Variants in TH observed in about 807,000 individuals in gnomAD.
The protein encoded by TH is tyrosine hydroxylase, also known as tyrosine 3-monooxygenase.
TH carries 49 observed loss-of-function variants against 57.4 expected under a neutral mutation model. The observed-to-expected ratio is 0.85, with a 90% CI of 0.68 to 1.08. The LOEUF (loss-of-function observed/expected upper bound fraction) is 1.08, where lower values mean the gene tolerates loss of function less well. Among genes scored for constraint, TH ranks in the 50% least tolerant of loss-of-function variants. The pLI is 0.00. For missense variants in TH, 720 were observed against 696.7 expected, an observed-to-expected ratio of 1.03 and a Z score of -0.38; for synonymous variants, 330 against 304.5, an observed-to-expected ratio of 1.08 and a Z score of -0.87.
Position 2,165,384 on chromosome 11 carries a change from C to T in TH, c.1201-19G>A. 6.2e-7 allele frequency: 1 copy of T among 1,606,958 alleles called. No individual in the cohort carries two copies. The highest frequency in any genetic ancestry group is 8.5e-7 in the Non-Finnish European group (1 of 1,179,934). ...GGCAGTGCTGGCAGGAGGCCAATGG[C>T]ATCACTGACTCCACTGCACCCAGGT... On this transcript the variant is annotated intron_variant, in intron 11 of 12. Transcript: ENST00000352909.
Position 2,166,682 on chromosome 11 carries a change from A to C in TH, c.928T>G (p.Cys310Gly), listed in dbSNP as rs1846100739. ...LASLAFRVFQ[C>G]TQYIRHASSP... ...GACGCGTGGCGGATATACTGGGTGC[A>C]CTGGAACACGCGGAAGGCCAGGCTG... The change falls in exon 8 of 13, where the codon TGC becomes GGC. Residue 310 changes from cysteine (C) to glycine (G), a missense_variant. By Grantham distance (159) the Cys-to-Gly change is radical. Transcript: ENST00000352909. 1.9e-6 allele frequency: 3 copies of C among 1,564,184 alleles called. No homozygotes were observed. Among genetic ancestry groups the C allele is most frequent in the Non-Finnish European group, 1.7e-6 (2 of 1,154,866 alleles).
Position 2,166,742 on chromosome 11 carries a change from C to T in TH, c.868G>A (p.Val290Met), listed in dbSNP as rs1408060028. Reference protein sequence around the residue: ...KERTGFQLRPVAGLLSARDFL... With the variant: ...KERTGFQLRPMAGLLSARDFL... ...TCCCGGGCGGACAGCAGGCCGGCCA[C>T]AGGCCGCAGCTGGAAGCCCGTGCGC... The change falls in exon 8 of 13, where the codon GTG (valine) becomes ATG (methionine). Residue 290 changes from valine to methionine, a missense_variant. Val to Met is a conservative substitution (Grantham distance 21). Coordinates refer to ENST00000352909, the MANE Select transcript of TH (RefSeq NM_000360.4). The T allele has an allele frequency of 1.9e-6, 3 of 1,549,760 alleles. No homozygotes were observed. The highest frequency in any genetic ancestry group is 2.0e-5 in the Admixed American group (1 of 50,994).
rs768037080 is a variant in TH, at chr11:2,167,485, G to A, written c.645C>T (p.His215=). The stretch of plus-strand genomic sequence containing the variant: ...ACTCCACACGGGGAATCGGGTCGCC[G>A]CTGGGGAGGGGGCCAGTGGTCAGCA... ...LIAEIAFQYR[H]GDPIPRVEYT... Residue 215 remains histidine (H), a splice_region_variant and synonymous_variant, in exon 6 of 13, where the codon CAC becomes CAT. Coordinates refer to ENST00000352909, the MANE Select transcript of TH (RefSeq NM_000360.4). The A allele has an allele frequency of 4.4e-5, 69 of 1,558,432 alleles. 2 individuals are homozygous for A. The Middle Eastern group carries it at 4.2e-3, about 94-fold the overall frequency.
Position 2,168,651 on chromosome 11 carries a change from T to G in TH, c.327A>C (p.Lys109Asn). 1 of 1,610,268 alleles carries G rather than the reference T, an allele frequency of 6.2e-7. No homozygotes were observed. The highest frequency in any genetic ancestry group is 8.5e-7 in the Non-Finnish European group (1 of 1,179,198). The stretch of plus-strand genomic sequence containing the variant: ...CGGGCCGGGTCTCTAGATGGTGGAT[T>G]TTGGCTTCAAACGTCTTAGGGAGCA... ...AVKVFETFEA[K>N]IHHLETRPAQ... The change falls in exon 3 of 13, where the codon AAA becomes AAC. Residue 109 changes from lysine (K) to asparagine (N), a missense_variant. Transcript: ENST00000352909.
At chr11:2,168,687 G>T (rs770215183) in intron 2 of TH, 22 bp from the exon 3 acceptor site, 4 of 1,353,080 alleles carry the variant, frequency 3.0e-6, no homozygotes, top group Non-Finnish European at 9.8e-7. Context: ...AAAGCAGGAA[G>T]AGAGAGAGAA....
At position 2,171,085 on chromosome 11, in the gene TH, G is replaced by GTGAATGAATGAATGAA. The variant is rs59181491; in HGVS notation, c.90+596_90+611dup. Among the ~76,000 whole-genome samples the GTGAATGAATGAATGAA allele has an allele frequency of 1.7e-4, 24 of 140,890 alleles. No individual in the cohort carries two copies. The highest frequency in any genetic ancestry group is 1.2e-3 in the East Asian group (6 of 4,864). 92.4% of individuals were successfully genotyped at this position (140,890 alleles called of 152,430 possible). A position where few individuals can be genotyped will look rare whatever the true frequency, so the allele number is the denominator to read the frequency against. ...GGTCACAGGGAACACAGACTCCATG[G>GTGAATGAATGAATGAA]TGAATGAATGAATGAATGAATGAAT... On this transcript the variant is annotated intron_variant, in intron 1 of 12. Transcript: ENST00000352909. The surrounding 1 kb of genome is among the most constrained non-coding windows in gnomAD (Gnocchi z 8.6).
chr11:2,165,833 G>A (rs924109443), intron 10 of TH, 70 bp from the exon 11 acceptor site: 15 of 1,558,726 alleles, frequency 9.6e-6, no homozygotes, highest in African/African-American at 2.7e-5. Context: ...GGTCACCCGT[G>A]ACCAGGATAC....
chr11:2,168,657 T>C lies in TH; in HGVS notation c.321A>G (p.Glu107=). 6.6e-7 allele frequency: 1 copy of C among 1,524,450 alleles called. No individual in the cohort carries two copies. The allele number at this position is 1,524,450 out of a possible 1,614,324, so 94.4% of individuals were successfully genotyped here. A position where few individuals can be genotyped will look rare whatever the true frequency, so the allele number is the denominator to read the frequency against. Residue 107 remains glutamate (E), a synonymous_variant, in exon 3 of 13, where the codon GAA becomes GAG. Coordinates refer to ENST00000352909, the MANE Select transcript of TH (RefSeq NM_000360.4). ...SRAVKVFETF[E]AKIHHLETRP... ...GGGTCTCTAGATGGTGGATTTTGGC[T>C]TCAAACGTCTTAGGGAGCAAAAGCA... is the stretch of plus-strand genomic sequence containing the variant.
In TH at chr11:2,166,934, C is replaced by T. The variant is rs199961079; in HGVS notation, c.794G>A (p.Arg265Gln). ...CTCCAGCTGGGGGATATTGTCTTCC[C>T]GGTAGCCGCTGAAGCGCTCCAGCAA... ...FALLERFSGYREDNIPQLEDV... is the reference protein window; with the variant it reads ...FALLERFSGYQEDNIPQLEDV... Residue 265 changes from arginine to glutamine, a missense_variant, in exon 7 of 13, where the codon CGG becomes CAG. By Grantham distance (43) the Arg-to-Gln change is conservative. Transcript: ENST00000352909. 28 of 1,601,094 alleles carry T rather than the reference C, an allele frequency of 1.7e-5. No individual in the cohort carries two copies. The highest frequency in any genetic ancestry group is 6.8e-5 in the East Asian group (3 of 44,382).
At position 2,170,910 on chromosome 11, in the gene TH, T is replaced by C. The variant is rs1389877090; in HGVS notation, c.90+787A>G. The C allele has an allele frequency of 1.2e-5, 7 of 607,044 alleles. No individual in the cohort carries two copies. Among genetic ancestry groups the C allele is most frequent in the Non-Finnish European group, 2.0e-5 (7 of 342,964 alleles). 37.6% of individuals were successfully genotyped at this position (607,044 alleles called of 1,614,324 possible). Reference sequence around the variant, plus strand: ...AACTCACACCACATTTCAATCAAGGTCCATAAATAAAAACCCATTTTAAAT... The same window carrying C: ...AACTCACACCACATTTCAATCAAGGCCCATAAATAAAAACCCATTTTAAAT... On this transcript the variant is annotated intron_variant, in intron 1 of 12. Transcript: ENST00000352909. The surrounding 1 kb of genome is among the most constrained non-coding windows in gnomAD (Gnocchi z 6.0).
rs1387781463 is a variant in TH, at chr11:2,169,637, G to T, written c.312+13C>A. 6.2e-7 allele frequency: 1 copy of T among 1,613,164 alleles called. No individual in the cohort carries two copies. Among genetic ancestry groups the T allele is most frequent in the Admixed American group, 1.7e-5 (1 of 60,002 alleles). ...GTGAACTTGCCCCAGGGACACGAAG[G>T]CCACCAGCTCACCTCAAACACCTTC... On this transcript the variant is annotated intron_variant, in intron 2 of 12. Coordinates refer to ENST00000352909, the MANE Select transcript of TH (RefSeq NM_000360.4).
intron 5 of TH, 132 bp from the exon 6 acceptor site, chr11:2,167,617 G>C (rs1423258386): frequency 3.3e-6 from 4 of 1,213,810 alleles, no homozygotes; most frequent in East Asian, 2.5e-5. Context: ...GGATGGACAG[G>C]AGGGTGCACC....
At chr11:2,167,516 C>G in intron 5 of TH, 31 bp from the exon 6 acceptor site, 1 of 1,551,646 alleles carries the variant, frequency 6.4e-7, no homozygotes, top group Non-Finnish European at 8.7e-7. Flanking sequence ...CAGCAGGTCC[C>G]CTCGGGGAGT....
chr11:2,166,898 C>T lies in TH; in HGVS notation c.830G>A (p.Arg277His), dbSNP rs1421058667. The T allele has an allele frequency of 6.2e-7, 1 of 1,605,054 alleles. No individual in the cohort carries two copies. Among genetic ancestry groups the T allele is most frequent in the Non-Finnish European group, 8.5e-7 (1 of 1,176,840 alleles). The change falls in exon 7 of 13, where the codon CGC becomes CAC. Residue 277 changes from arginine (R) to histidine (H), a missense_variant. Arg to His is a conservative substitution (Grantham distance 29). Coordinates refer to ENST00000352909, the MANE Select transcript of TH (RefSeq NM_000360.4). Reference sequence around the variant, plus strand: ...CCGTCTGGGCACACCCTTCAGGAAGCGGGAGACGTCCTCCAGCTGGGGGAT... The same window carrying T: ...CCGTCTGGGCACACCCTTCAGGAAGTGGGAGACGTCCTCCAGCTGGGGGAT... Reference protein sequence around the residue: ...DNIPQLEDVSRFLKERTGFQL... With the variant: ...DNIPQLEDVSHFLKERTGFQL...
intron 7 of TH, 38 bp from the exon 8 acceptor site, chr11:2,166,806 G>A (rs776510373): frequency 3.9e-6 from 6 of 1,549,816 alleles, no homozygotes; most frequent in Non-Finnish European, 4.4e-6. Context: ...GAGCCGGGAC[G>A]GGCTGGAGCC....
rs1409288419 is a variant in TH, at chr11:2,171,719, G to A, written c.68C>T (p.Ala23Val). Residue 23 changes from alanine to valine, a missense_variant, in exon 1 of 13, where the codon GCC (alanine) becomes GTC (valine). By Grantham distance (64) the Ala-to-Val change is moderately conservative. Coordinates refer to ENST00000352909, the MANE Select transcript of TH (RefSeq NM_000360.4). The surrounding 1 kb of genome is among the most constrained non-coding windows in gnomAD (Gnocchi z 8.6). ...GFRRAVSELD[A>V]KQAEAIMSPR... ...TACCATGATGGCCTCTGCCTGCTTGGCGTCCAGCTCAGACACGGCCCTGCG... is the reference window on the plus strand; with the variant it reads ...TACCATGATGGCCTCTGCCTGCTTGACGTCCAGCTCAGACACGGCCCTGCG... 2 of 1,612,594 alleles carry A rather than the reference G, an allele frequency of 1.2e-6. No individual in the cohort carries two copies. Among genetic ancestry groups the A allele is most frequent in the South Asian group, 1.1e-5 (1 of 91,070 alleles).
intron 9 of TH, 53 bp from the exon 10 acceptor site, chr11:2,166,111 G>A: frequency 6.5e-7 from 1 of 1,537,874 alleles, no homozygotes; most frequent in East Asian, 2.4e-5. Context: ...GGTCATGCTC[G>A]AGGTGGGGGC....
At chr11:2,166,443 C>A (rs750192089) in intron 9 of TH, 37 bp downstream of exon 9, 1 of 1,543,394 alleles carries the variant, frequency 6.5e-7, no homozygotes, top group South Asian at 1.2e-5. Context: ...AAGCCAGCCC[C>A]TGGGTGACCC....
chr11:2,164,227 G>A lies in TH; in HGVS notation c.*6C>T, dbSNP rs201317812. On this transcript the variant is annotated 3_prime_UTR_variant, in exon 13 of 13. Coordinates refer to ENST00000352909, the MANE Select transcript of TH (RefSeq NM_000360.4). ...GTTGGGAAGGGCCCTCAGGGACGCCGTGCACCTAGCCAATGGCACTCAGCG... is the reference window on the plus strand; with the variant it reads ...GTTGGGAAGGGCCCTCAGGGACGCCATGCACCTAGCCAATGGCACTCAGCG... The A allele has an allele frequency of 4.4e-5, 64 of 1,450,132 alleles. No individual in the cohort carries two copies. Among genetic ancestry groups the A allele is most frequent in the East Asian group, 2.6e-4 (10 of 38,688 alleles). The allele number at this position is 1,450,132 out of a possible 1,614,324, so 89.8% of individuals were successfully genotyped here.
Sources: allele counts gnomAD v4.1 joint callset (sites outside exome capture counted in the v4.1 genomes callset), GRCh38; gene constraint gnomAD v4.1.1; non-coding constraint Gnocchi (gnomAD v3.1); transcripts MANE v1.5; gene names NCBI Gene and HGNC (gene_info 2026-07-23, HGNC 2026-07-21).